Variants in GLIS3 observed in about 807,000 individuals in gnomAD.
GLIS3 encodes the protein GLIS family zinc finger 3.
GLIS3 carries 53 observed loss-of-function variants against 78.6 expected under a neutral mutation model. The observed-to-expected ratio is 0.67, with a 90% CI of 0.54 to 0.85. The LOEUF is 0.85. GLIS3 is among the 40% of genes least tolerant of loss of function. The probability of loss-of-function intolerance (pLI) is 0.00; values close to 1 mark genes in which losing one functional copy is unlikely to be tolerated. For missense variants in GLIS3, 1,703 were observed against 1,231.1 expected (o/e 1.38, Z -5.74); for synonymous variants, 684 against 509.9 (o/e 1.34, Z -4.60).
chr9:3,990,577 A>AG (rs953756113), intron 4 of GLIS3, among the ~76,000 whole-genome samples: 1 of 152,164 alleles, frequency 6.6e-6, no homozygotes, highest in Non-Finnish European at 1.5e-5. Flanking sequence ...CTGGCTCTGT[A>AG]GGGTGAACAG....
intron 4 of GLIS3, among the ~76,000 whole-genome samples, chr9:4,048,568 C>T (rs140842357): frequency 1.2e-3 from 188 of 152,232 alleles, no homozygotes; most frequent in African/African-American, 4.3e-3. Context: ...TTTTAAATTG[C>T]GTCAAATTGC....
chr9:3,881,966 C>G (rs1322908872), intron 7 of GLIS3, among the ~76,000 whole-genome samples: 1 of 152,248 alleles, frequency 6.6e-6, no homozygotes, highest in Non-Finnish European at 1.5e-5. Flanking sequence ...ACAATTTATA[C>G]TACTGAGCTT....
At position 3,860,272 on chromosome 9, in the gene GLIS3, C is replaced by CAAAAAAAAAAAAAAAAAAAAAAAAAA. The variant is rs59923144; in HGVS notation, c.2298-4114_2298-4089dup. ...CCTGGGTGACAGAGCAAGACTCTGT[C>CAAAAAAAAAAAAAAAAAAAAAAAAAA]AAAAAAAAAAAAAAAAAAAAAAAAA... On this transcript the variant is annotated intron_variant, in intron 8 of 10. Coordinates refer to ENST00000381971, the MANE Select transcript of GLIS3 (RefSeq NM_001042413.2). Among the ~76,000 whole-genome samples the CAAAAAAAAAAAAAAAAAAAAAAAAAA allele has an allele frequency of 5.2e-4, 28 of 53,608 alleles. 1 individual carries two copies. Among genetic ancestry groups the CAAAAAAAAAAAAAAAAAAAAAAAAAA allele is most frequent in the Non-Finnish European group, 7.1e-4 (23 of 32,356 alleles). 35.2% of individuals were successfully genotyped at this position (53,608 alleles called of 152,430 possible). A position where few individuals can be genotyped will look rare whatever the true frequency, so the allele number is the denominator to read the frequency against.
chr9:4,384,195 A>G, the GLIS3 span, among the ~76,000 whole-genome samples: 1 of 152,202 alleles, frequency 6.6e-6, no homozygotes, highest in Non-Finnish European at 1.5e-5. Context: ...TGTGGAGCAC[A>G]CTGGTGGTGA....
At chr9:4,311,508 G>C (rs1339723821) in intron 2 of GLIS3, among the ~76,000 whole-genome samples, 1 of 152,166 alleles carries the variant, frequency 6.6e-6, no homozygotes, top group South Asian at 2.1e-4. Flanking sequence ...CAGACTCCCA[G>C]AGAAATCCAT....
chr9:4,192,866 G>A (rs1184368316), intron 2 of GLIS3, among the ~76,000 whole-genome samples: 1 of 151,954 alleles, frequency 6.6e-6, no homozygotes, highest in East Asian at 1.9e-4. Flanking sequence ...AAAAATAAAG[G>A]TAAATGGGAG....
At position 4,175,727 on chromosome 9, in the gene GLIS3, G is replaced by A. The variant is rs921648955; in HGVS notation, c.389-49786C>T. On this transcript the variant is annotated intron_variant, in intron 2 of 10. Coordinates refer to ENST00000381971, the MANE Select transcript of GLIS3 (RefSeq NM_001042413.2). The stretch of plus-strand genomic sequence containing the variant: ...CCATACATAACCACCATAACGCTGG[G>A]AGAAGGCCCAGAGGAAGTGAAGCAA... Among the ~76,000 whole-genome samples the A allele has an allele frequency of 3.3e-5, 5 of 152,272 alleles. No individual in the cohort carries two copies. In the South Asian group the frequency reaches 1.0e-3, roughly 32 times the overall value.
At chr9:4,028,684 A>T (rs1372229136) in intron 4 of GLIS3, among the ~76,000 whole-genome samples, 1 of 151,848 alleles carries the variant, frequency 6.6e-6, no homozygotes, top group Admixed American at 6.6e-5. Context: ...TCCCAACACT[A>T]TAGATCACTT....
At chr9:4,149,622 A>G (rs1834512909) in intron 2 of GLIS3, among the ~76,000 whole-genome samples, 1 of 152,248 alleles carries the variant, frequency 6.6e-6, no homozygotes, top group Admixed American at 6.5e-5. Context: ...GTACAAATAG[A>G]TGACACTAGT....
chr9:4,048,405 T>G (rs973352971), intron 4 of GLIS3, among the ~76,000 whole-genome samples: 1 of 152,276 alleles, frequency 6.6e-6, no homozygotes, highest in East Asian at 1.9e-4. Flanking sequence ...CAGTCCACCT[T>G]AAATGCTGAT....
chr9:3,868,192 C>G (rs114362998), intron 8 of GLIS3, among the ~76,000 whole-genome samples: 2 of 152,196 alleles, frequency 1.3e-5, no homozygotes, highest in Admixed American at 6.5e-5. Context: ...GCATCAGTGA[C>G]CACAGAGCAG....
chr9:3,960,302 C>G (rs552197850), intron 4 of GLIS3, among the ~76,000 whole-genome samples: 1 of 152,208 alleles, frequency 6.6e-6, no homozygotes, highest in Non-Finnish European at 1.5e-5. Context: ...GGATCCCACC[C>G]TGCTGACTTC....
chr9:4,412,761 G>A, the GLIS3 span, among the ~76,000 whole-genome samples: 59 of 152,138 alleles, frequency 3.9e-4, no homozygotes, highest in African/African-American at 1.4e-3. Flanking sequence ...CCATAAGACT[G>A]AACCTGACTG....
At chr9:4,340,516 G>C (rs530728372) in intron 2 of GLIS3, among the ~76,000 whole-genome samples, 1 of 152,016 alleles carries the variant, frequency 6.6e-6, no homozygotes, top group Non-Finnish European at 1.5e-5. Flanking sequence ...CTCCTTGCCC[G>C]GATGGTTCCT....
intron 4 of GLIS3, among the ~76,000 whole-genome samples, chr9:4,079,269 A>T (rs1272682955): frequency 6.6e-6 from 1 of 152,182 alleles, no homozygotes; most frequent in Non-Finnish European, 1.5e-5. Flanking sequence ...AAGGTATTAG[A>T]ATTATTCCCT....
chr9:4,253,389 G>A (rs181752883), intron 2 of GLIS3, among the ~76,000 whole-genome samples: 15 of 152,324 alleles, frequency 9.8e-5, no homozygotes, highest in Admixed American at 4.6e-4. Flanking sequence ...GAAATTCCCC[G>A]TGGCTTTGTT....
intron 2 of GLIS3, among the ~76,000 whole-genome samples, chr9:4,155,410 G>A (rs1834977987): frequency 6.6e-6 from 1 of 152,198 alleles, no homozygotes; most frequent in Non-Finnish European, 1.5e-5. Flanking sequence ...CTCGTGACCT[G>A]GCCGTGGCGT....
chr9:4,018,930 T>C (rs756172572), intron 4 of GLIS3, among the ~76,000 whole-genome samples: 1 of 152,168 alleles, frequency 6.6e-6, no homozygotes, highest in Non-Finnish European at 1.5e-5. Flanking sequence ...GAGGTTCAAA[T>C]TCCAGGTATT....
At chr9:4,336,715 C>T (rs1364564690) in intron 2 of GLIS3, among the ~76,000 whole-genome samples, 1 of 152,172 alleles carries the variant, frequency 6.6e-6, no homozygotes, top group Non-Finnish European at 1.5e-5. Flanking sequence ...GGGAAACGTG[C>T]GATGTTCACT....
Sources: gnomAD v4.1 joint callset for allele counts (sites outside exome capture counted in the v4.1 genomes callset) on GRCh38, gnomAD v4.1.1 for gene constraint, MANE v1.5 for transcripts, NCBI Gene and HGNC (gene_info 2026-07-23, HGNC 2026-07-21) for gene names.